RIC8B: variants seen among roughly 807,000 people sequenced by gnomAD.
RIC8B encodes the protein RIC8 guanine nucleotide exchange factor B.
Under a neutral mutation model 57.5 loss-of-function variants are expected in RIC8B, and 16 were observed. The observed-to-expected ratio is 0.28, with a 90% confidence interval of 0.19 to 0.42. RIC8B has a LOEUF of 0.42. RIC8B is among the 10% of genes least tolerant of loss of function. RIC8B has a pLI of 1.00. For missense variants in RIC8B, 481 were observed against 677.0 expected, an observed-to-expected ratio of 0.71 and a Z score of 3.21; for synonymous variants, 216 against 250.8, an observed-to-expected ratio of 0.86 and a Z score of 1.31.
intron 3 of RIC8B, among the ~76,000 whole-genome samples, chr12:106,821,507 C>T (rs2045840072): frequency 6.6e-6 from 1 of 152,064 alleles, no homozygotes; most frequent in African/African-American, 2.4e-5. Context: ...CCTAAATATA[C>T]AAGGTAAATA....
rs906254158 is a variant in RIC8B, at chr12:106,854,924, G to A, written c.1306+3330G>A. On this transcript the variant is annotated intron_variant, in intron 7 of 9. Transcript: ENST00000392837. ...TATCTCCAGCACATAATGGCCCACA[G>A]GTTAACTTGTACTCATGCCATTAAC... Among the ~76,000 whole-genome samples, 2 of 152,166 alleles carry A rather than the reference G, an allele frequency of 1.3e-5. 1 individual carries two copies. Among genetic ancestry groups the A allele is most frequent in the African/African-American group, 4.8e-5 (2 of 41,438 alleles).
rs578223926 is a variant in RIC8B, at chr12:106,806,105, A to G, written c.133-8591A>G. 1.7e-4 allele frequency among the ~76,000 whole-genome samples: 26 copies of G among 152,218 alleles called. 1 individual carries two copies. In the South Asian group the frequency reaches 4.6e-3, roughly 27 times the overall value. ...ACTGGGATTACAGGCATGTGCCTCC[A>G]TGCCCGGCTAATTGTAATTTTAGTA... On this transcript the variant is annotated intron_variant, in intron 2 of 9. Transcript: ENST00000392837.
intron 7 of RIC8B, among the ~76,000 whole-genome samples, chr12:106,854,396 A>AT (rs1949626019): frequency 6.6e-6 from 1 of 152,200 alleles, no homozygotes. Flanking sequence ...TGCCAAGTAA[A>AT]TTTGAAAGTG....
At chr12:106,832,384 A>G (rs1246014624) in intron 4 of RIC8B, among the ~76,000 whole-genome samples, 1 of 152,164 alleles carries the variant, frequency 6.6e-6, no homozygotes, top group Non-Finnish European at 1.5e-5. Flanking sequence ...CCTGGCCAAC[A>G]TGGTGAAACC....
At chr12:106,815,387 C>T in intron 3 of RIC8B, 83 bp downstream of exon 3, 1 of 1,438,300 alleles carries the variant, frequency 7.0e-7, no homozygotes, top group Non-Finnish European at 9.3e-7. Flanking sequence ...GAGAAGAATA[C>T]AAGTTGGGAA....
chr12:106,782,957 G>A (rs1238863945), intron 1 of RIC8B, among the ~76,000 whole-genome samples: 1 of 152,190 alleles, frequency 6.6e-6, no homozygotes, highest in Non-Finnish European at 1.5e-5. Flanking sequence ...GAATTCTTAA[G>A]AGTACTTGGT....
intron 3 of RIC8B, among the ~76,000 whole-genome samples, chr12:106,817,395 G>C (rs2045619829): frequency 6.6e-6 from 1 of 152,122 alleles, no homozygotes; most frequent in African/African-American, 2.4e-5. Flanking sequence ...AAAACAGAAC[G>C]ATTCAGCCAT....
chr12:106,846,159 G>C (rs560378010), intron 6 of RIC8B, among the ~76,000 whole-genome samples: 4 of 152,118 alleles, frequency 2.6e-5, no homozygotes, highest in Non-Finnish European at 5.9e-5. Flanking sequence ...CTAAGCTCTA[G>C]ACTTATACAG....
At chr12:106,872,519 T>G (rs936369682) in intron 9 of RIC8B, among the ~76,000 whole-genome samples, 2 of 151,820 alleles carry the variant, frequency 1.3e-5, no homozygotes, top group Admixed American at 6.6e-5. Context: ...AAATACAAAT[T>G]TAGCCGGGTG....
chr12:106,774,905 C>G, intron 1 of RIC8B, 76 bp downstream of exon 1: 1 of 1,084,832 alleles, frequency 9.2e-7, no homozygotes, highest in East Asian at 2.6e-5. Context: ...GCATCCTTCC[C>G]CACCCCCCTC....
In RIC8B at chr12:106,815,049, C is replaced by T. The variant is rs958698818; in HGVS notation, c.486C>T (p.Cys162=). 6.2e-7 allele frequency: 1 copy of T among 1,614,218 alleles called. No individual in the cohort carries two copies. Among genetic ancestry groups the T allele is most frequent in the East Asian group, 2.2e-5 (1 of 44,886 alleles). Residue 162 remains cysteine (C), a synonymous_variant, in exon 3 of 10, where the codon TGC becomes TGT. Coordinates refer to ENST00000392837, the MANE Select transcript of RIC8B (RefSeq NM_001330145.2). ...KDRKFINDIK[C]FDLRLLFLLS... is the part of the protein sequence containing the mutation. ...GGAAATTTATCAATGACATTAAGTGCTTTGACTTGCGCTTGCTCTTCCTTC... is the reference window on the plus strand; with the variant it reads ...GGAAATTTATCAATGACATTAAGTGTTTTGACTTGCGCTTGCTCTTCCTTC...
At chr12:106,840,403 G>A (rs1454197823) in intron 4 of RIC8B, among the ~76,000 whole-genome samples, 2 of 152,200 alleles carry the variant, frequency 1.3e-5, no homozygotes, top group African/African-American at 2.4e-5. Context: ...AAGCTGAAAA[G>A]GGGAGTGTAA....
At chr12:106,845,105 T>C (rs931476242) in intron 6 of RIC8B, among the ~76,000 whole-genome samples, 1 of 152,192 alleles carries the variant, frequency 6.6e-6, no homozygotes, top group Non-Finnish European at 1.5e-5. Flanking sequence ...ATCACTCCTT[T>C]CCATACATCT....
chr12:106,852,919 T>A (rs1323282178), intron 7 of RIC8B, among the ~76,000 whole-genome samples: 2 of 152,246 alleles, frequency 1.3e-5, no homozygotes, highest in Admixed American at 1.3e-4. Context: ...TGATTCGAGA[T>A]CGGAAATGAT....
At chr12:106,794,129 A>G (rs565467745) in intron 2 of RIC8B, among the ~76,000 whole-genome samples, 26 of 152,376 alleles carry the variant, frequency 1.7e-4, no homozygotes, top group South Asian at 4.1e-4. Flanking sequence ...AAAGAGCCCA[A>G]TAGACATTCT....
At chr12:106,850,777 G>GT (rs1341839741) in intron 6 of RIC8B, among the ~76,000 whole-genome samples, 2 of 152,008 alleles carry the variant, frequency 1.3e-5, no homozygotes, top group Non-Finnish European at 2.9e-5. Context: ...CATAAGTACA[G>GT]TTTTTTTAAT....
chr12:106,868,782 C>T (rs1471338255), intron 8 of RIC8B, among the ~76,000 whole-genome samples: 5 of 140,528 alleles, frequency 3.6e-5, no homozygotes, highest in African/African-American at 1.5e-4. Context: ...CACACACACA[C>T]ACACACACAC....
chr12:106,839,729 G>C (rs1385222361), intron 4 of RIC8B, among the ~76,000 whole-genome samples: 1 of 152,222 alleles, frequency 6.6e-6, no homozygotes, highest in Non-Finnish European at 1.5e-5. Context: ...CAAAGATTTT[G>C]AGGGGTTTGG....
Position 106,814,948 on chromosome 12 carries a change from C to A in RIC8B, c.385C>A (p.Gln129Lys), listed in dbSNP as rs368956319. ...TCTGTGTAATATAGTGTTCAACAGT[C>A]AGATGGCACAGCAGCTCAGCCTGGA... ...KCLCNIVFNS[Q>K]MAQQLSLELN... Residue 129 changes from glutamine (Q) to lysine (K), a missense_variant, in exon 3 of 10, where the codon CAG becomes AAG. Around this residue, in one of 3 missense-constraint regions of RIC8B, gnomAD observed 421 missense variants for 560.9 expected, o/e 0.75. Transcript: ENST00000392837. 3.1e-6 allele frequency: 5 copies of A among 1,614,076 alleles called. No homozygotes were observed. The highest frequency in any genetic ancestry group is 1.1e-5 in the South Asian group (1 of 91,074).
Sources: allele counts gnomAD v4.1 joint callset (sites outside exome capture counted in the v4.1 genomes callset), GRCh38; gene constraint gnomAD v4.1.1; regional missense constraint gnomAD v4.1.1; transcripts MANE v1.5; gene names NCBI Gene and HGNC (gene_info 2026-07-23, HGNC 2026-07-21).